Variants in RAB2B observed in about 807,000 individuals in gnomAD.
RAB2B encodes the protein RAB2B, member RAS oncogene family.
In RAB2B, 20 loss-of-function variants were observed where a neutral mutation model predicts 29.8. The observed-to-expected ratio is 0.67, with a 90% CI of 0.47 to 0.97. The LOEUF is 0.97. Ranked by LOEUF, RAB2B falls within the 50% of genes least tolerant of loss-of-function variation. The pLI is 0.00. For synonymous variants in RAB2B, 93 were observed against 91.7 expected, an observed-to-expected ratio of 1.01 and a Z score of -0.08; for missense variants, 218 against 272.0, an observed-to-expected ratio of 0.80 and a Z score of 1.40.
Position 21,461,073 on chromosome 14 carries a change from G to A in RAB2B, c.*123C>T. 2.8e-6 allele frequency: 2 copies of A among 713,622 alleles called. No individual in the cohort carries two copies. Among genetic ancestry groups the A allele is most frequent in the South Asian group, 3.8e-5 (2 of 52,698 alleles). The allele number at this position is 713,622 out of a possible 1,614,324, so 44.2% of individuals were successfully genotyped here. The stretch of plus-strand genomic sequence containing the variant: ...CAAATTCTCTCCTGGTCTTTAGGTG[G>A]AAAGGCAAAACATCACACTTTAAAA... On this transcript the variant is annotated 3_prime_UTR_variant, in exon 8 of 8. Coordinates refer to ENST00000397762, the MANE Select transcript of RAB2B (RefSeq NM_032846.4).
chr14:21,466,264 C>T (rs750449391), intron 5 of RAB2B, among the ~76,000 whole-genome samples: 9 of 152,208 alleles, frequency 5.9e-5, no homozygotes, highest in Non-Finnish European at 1.2e-4. Context: ...GCAGGCGGAT[C>T]GCCTGAGGTC....
At position 21,463,666 on chromosome 14, in the gene RAB2B, T is replaced by C. The variant is rs1256366026; in HGVS notation, c.464A>G (p.Asn155Ser). 10 of 1,610,410 alleles carry C rather than the reference T, an allele frequency of 6.2e-6. No individual in the cohort carries two copies. The African/African-American group carries it at 8.0e-5, about 13-fold the overall frequency. The change falls in exon 6 of 8, where the codon AAT (asparagine) becomes AGT (serine). Residue 155 changes from asparagine to serine, a missense_variant. By Grantham distance (46) the Asn-to-Ser change is conservative. Transcript: ENST00000397762. ...FMETSAKTACNVEEAFINTAK... is the reference protein window; with the variant it reads ...FMETSAKTACSVEEAFINTAK... ...TTTTCCAAATAGTACCTCTTCAACA[T>C]TGCAGGCTGTTTTGGCTGAAGTTTC...
At chr14:21,471,074 A>G (rs1594414146) in intron 3 of RAB2B, among the ~76,000 whole-genome samples, 1 of 151,500 alleles carries the variant, frequency 6.6e-6, no homozygotes, top group Admixed American at 6.6e-5. Flanking sequence ...TCAGGAGGCT[A>G]AGGCAGGAGA....
chr14:21,462,836 T>TA (rs1182397229), intron 6 of RAB2B, among the ~76,000 whole-genome samples: 21,073 of 86,680 alleles, frequency 0.24, 2,880 homozygotes, highest in African/African-American at 0.44. Flanking sequence ...AGACTCAGTC[T>TA]AAAAAAAAAA....
At chr14:21,471,070 G>A (rs971072593) in intron 3 of RAB2B, among the ~76,000 whole-genome samples, 1 of 151,432 alleles carries the variant, frequency 6.6e-6, no homozygotes, top group Admixed American at 6.6e-5. Context: ...CTACTCAGGA[G>A]GCTAAGGCAG....
intron 5 of RAB2B, among the ~76,000 whole-genome samples, chr14:21,466,983 T>C (rs1248229422): frequency 6.6e-6 from 1 of 152,128 alleles, no homozygotes; most frequent in African/African-American, 2.4e-5. Context: ...CTCAGCTCAC[T>C]GCAACCTCCG....
At chr14:21,462,218 AAAG>A in intron 7 of RAB2B, 129 bp downstream of exon 7, 3 of 624,780 alleles carry the variant, frequency 4.8e-6, no homozygotes, top group Non-Finnish European at 5.0e-6. Flanking sequence ...AAAAAAAAAA[AAAG>A]TGTTGAATTG....
intron 2 of RAB2B, among the ~76,000 whole-genome samples, chr14:21,475,880 A>G (rs183501481): frequency 2.0e-5 from 3 of 152,336 alleles, no homozygotes; most frequent in Admixed American, 2.0e-4. Flanking sequence ...GTTTATTTAG[A>G]AACTGCATTT....
intron 5 of RAB2B, among the ~76,000 whole-genome samples, chr14:21,467,613 T>C (rs746906641): frequency 7.9e-5 from 12 of 152,220 alleles, no homozygotes; most frequent in Non-Finnish European, 1.5e-4. Flanking sequence ...TCCTTGTACA[T>C]TGCTGGAAAG....
At chr14:21,472,689 C>T (rs1890847516) in intron 3 of RAB2B, among the ~76,000 whole-genome samples, 1 of 152,112 alleles carries the variant, frequency 6.6e-6, no homozygotes, top group African/African-American at 2.4e-5. Context: ...CCATGTAGTT[C>T]TTAAGGATTC....
At position 21,460,272 on chromosome 14, in the gene RAB2B, G is replaced by A; in HGVS notation, c.*924C>T. Reference sequence around the variant, plus strand: ...CTTTGACCCTAATTCTTAGTGGGAAGTGGATTGTATATGCTTACGAAATTA... The same window carrying A: ...CTTTGACCCTAATTCTTAGTGGGAAATGGATTGTATATGCTTACGAAATTA... On this transcript the variant is annotated 3_prime_UTR_variant, in exon 8 of 8. Transcript: ENST00000397762. 1 of 518,858 alleles carries A rather than the reference G, an allele frequency of 1.9e-6. No individual in the cohort carries two copies. The highest frequency in any genetic ancestry group is 3.2e-4 in the Middle Eastern group (1 of 3,146). The allele number at this position is 518,858 out of a possible 1,614,324, so 32.1% of individuals were successfully genotyped here.
Position 21,460,731 on chromosome 14 carries a change from G to C in RAB2B, c.*465C>G, listed in dbSNP as rs997115457. 6.6e-6 allele frequency: 1 copy of C among 152,652 alleles called. No individual in the cohort carries two copies. Among genetic ancestry groups the C allele is most frequent in the Non-Finnish European group, 1.5e-5 (1 of 68,626 alleles). 9.5% of individuals were successfully genotyped at this position (152,652 alleles called of 1,614,324 possible). A position where few individuals can be genotyped will look rare whatever the true frequency, so the allele number is the denominator to read the frequency against. ...TGGGTTCAAGCGATTCTCCTGCCTT[G>C]GCCTCCCGAGTACCTGGGATTACAG... On this transcript the variant is annotated 3_prime_UTR_variant, in exon 8 of 8. Transcript: ENST00000397762.
intron 5 of RAB2B, among the ~76,000 whole-genome samples, chr14:21,463,986 T>C (rs1432166461): frequency 6.6e-6 from 1 of 152,174 alleles, no homozygotes; most frequent in Non-Finnish European, 1.5e-5. Context: ...AGATAATACC[T>C]CACTCTATTA....
chr14:21,459,669 C>G lies in RAB2B; in HGVS notation c.*1527G>C, dbSNP rs1252343403. On this transcript the variant is annotated 3_prime_UTR_variant, in exon 8 of 8. Transcript: ENST00000397762. ...TACATATAAATAGACATATGAATAA[C>G]CAACATATGAAAACTAAGGAATATT... 6.6e-6 allele frequency: 1 copy of G among 152,466 alleles called. No homozygotes were observed. The highest frequency in any genetic ancestry group is 2.4e-5 in the African/African-American group (1 of 41,358). 9.4% of individuals were successfully genotyped at this position (152,466 alleles called of 1,614,324 possible).
rs1890481808 is a variant in RAB2B at position 21,459,305 on chromosome 14, A to C, written c.*1891T>G. Reference sequence around the variant, plus strand: ...TATGCCTCATGGAATGGAGGCAAAAAGCCAGGGAAAGGTGGGAGGGGAGAA... The same window carrying C: ...TATGCCTCATGGAATGGAGGCAAAACGCCAGGGAAAGGTGGGAGGGGAGAA... On this transcript the variant is annotated 3_prime_UTR_variant, in exon 8 of 8. Transcript: ENST00000397762. 1 of 152,268 alleles carries C rather than the reference A, an allele frequency of 6.6e-6. No individual in the cohort carries two copies. The highest frequency in any genetic ancestry group is 6.5e-5 in the Admixed American group (1 of 15,280). The allele number at this position is 152,268 out of a possible 1,614,324, so 9.4% of individuals were successfully genotyped here.
At chr14:21,466,698 A>T (rs1890694369) in intron 5 of RAB2B, among the ~76,000 whole-genome samples, 1 of 152,192 alleles carries the variant, frequency 6.6e-6, no homozygotes. Context: ...ATATCAGACC[A>T]TGATAAAATT....
At chr14:21,465,225 A>G (rs1890660136) in intron 5 of RAB2B, among the ~76,000 whole-genome samples, 1 of 152,190 alleles carries the variant, frequency 6.6e-6, no homozygotes, top group African/African-American at 2.4e-5. Context: ...AACCCTCCCA[A>G]ATTTGTACCT....
In RAB2B at chr14:21,463,741, T is replaced by C; in HGVS notation, c.389A>G (p.Lys130Arg). The change falls in exon 6 of 8, where the codon AAG becomes AGG. Residue 130 changes from lysine (K) to arginine (R), a missense_variant. Coordinates refer to ENST00000397762, the MANE Select transcript of RAB2B (RefSeq NM_032846.4). Reference protein sequence around the residue: ...KSDLESRRDVKREEGEAFARE... With the variant: ...KSDLESRRDVRREEGEAFARE... Reference sequence around the variant, plus strand: ...AGCAAAGGCCTCTCCTTCTTCTCTCTTCACATCCCTGCGGGACTCTAGGTC... The same window carrying C: ...AGCAAAGGCCTCTCCTTCTTCTCTCCTCACATCCCTGCGGGACTCTAGGTC... The C allele has an allele frequency of 6.2e-7, 1 of 1,613,532 alleles. No homozygotes were observed. Among genetic ancestry groups the C allele is most frequent in the Non-Finnish European group, 8.5e-7 (1 of 1,179,472 alleles).
At position 21,460,284 on chromosome 14, in the gene RAB2B, T is replaced by C. The variant is rs115946692; in HGVS notation, c.*912A>G. The C allele has an allele frequency of 1.9e-6, 1 of 518,342 alleles. No homozygotes were observed. Among genetic ancestry groups the C allele is most frequent in the East Asian group, 5.5e-5 (1 of 18,342 alleles). The allele number at this position is 518,342 out of a possible 1,614,324, so 32.1% of individuals were successfully genotyped here. A position where few individuals can be genotyped will look rare whatever the true frequency, so the allele number is the denominator to read the frequency against. On this transcript the variant is annotated 3_prime_UTR_variant, in exon 8 of 8. Coordinates refer to ENST00000397762, the MANE Select transcript of RAB2B (RefSeq NM_032846.4). ...TTCTTAGTGGGAAGTGGATTGTATATGCTTACGAAATTATTTATTTAGGCC... is the reference window on the plus strand; with the variant it reads ...TTCTTAGTGGGAAGTGGATTGTATACGCTTACGAAATTATTTATTTAGGCC...
Sources: allele counts gnomAD v4.1 joint callset (sites outside exome capture counted in the v4.1 genomes callset), GRCh38; gene constraint gnomAD v4.1.1; transcripts MANE v1.5; gene names NCBI Gene and HGNC (gene_info 2026-07-23, HGNC 2026-07-21).